UNC5D: variants seen among roughly 807,000 people sequenced by gnomAD.
UNC5D encodes the protein netrin receptor UNC5D.
UNC5D carries 39 observed loss-of-function variants against 105.4 expected under a neutral mutation model. The ratio of observed to expected loss-of-function variants is 0.37; its 90% confidence interval spans 0.29 to 0.48. The LOEUF is 0.48. Ranked by LOEUF, UNC5D falls within the 20% of genes least tolerant of loss-of-function variation. The pLI is 0.98. For synonymous variants in UNC5D, 452 were observed against 450.4 expected (o/e 1.00, Z -0.04); for missense variants, 991 against 1,202.4 (o/e 0.82, Z 2.60).
intron 1 of UNC5D, among the ~76,000 whole-genome samples, chr8:35,491,636 G>A (rs1171443724): frequency 6.6e-6 from 1 of 150,426 alleles, no homozygotes; most frequent in Non-Finnish European, 1.5e-5. Flanking sequence ...GTGTGTGTAG[G>A]GATCCACGAC....
rs1295219028 is a variant in UNC5D at position 35,248,151 on chromosome 8, A to G, written c.103+12264A>G. On this transcript the variant is annotated intron_variant, in intron 1 of 16. Transcript: ENST00000404895. ...AATATATATTATATAAAATATATAT[A>G]ATATATAAATATATATTATATAATA... is the stretch of plus-strand genomic sequence containing the variant. Among the ~76,000 whole-genome samples the G allele has an allele frequency of 2.6e-3, 107 of 40,810 alleles. 1 individual carries two copies. Among genetic ancestry groups the G allele is most frequent in the African/African-American group, 0.015 (107 of 7,100 alleles). 26.8% of individuals were successfully genotyped at this position (40,810 alleles called of 152,430 possible).
intron 1 of UNC5D, among the ~76,000 whole-genome samples, chr8:35,501,631 T>C (rs1234679297): frequency 6.6e-6 from 1 of 152,184 alleles, no homozygotes; most frequent in East Asian, 1.9e-4. Flanking sequence ...GTAGTTTGTA[T>C]CTTTTAAAAA....
At position 35,271,740 on chromosome 8, in the gene UNC5D, T is replaced by C. The variant is rs943213182; in HGVS notation, c.103+35853T>C. Among the ~76,000 whole-genome samples, 20 of 127,580 alleles carry C rather than the reference T, an allele frequency of 1.6e-4. 1 individual carries two copies. Among genetic ancestry groups the C allele is most frequent in the Non-Finnish European group, 2.4e-4 (14 of 59,202 alleles). 83.7% of individuals were successfully genotyped at this position (127,580 alleles called of 152,430 possible). ...ATACATGTATACATGTATACATATA[T>C]ATTTATACATGTATACATGTATACA... On this transcript the variant is annotated intron_variant, in intron 1 of 16. Coordinates refer to ENST00000404895, the MANE Select transcript of UNC5D (RefSeq NM_080872.4).
intron 3 of UNC5D, among the ~76,000 whole-genome samples, chr8:35,584,392 GTTTGT>G (rs527409410): frequency 1.2e-3 from 181 of 151,422 alleles, no homozygotes; most frequent in Middle Eastern, 0.01. Context: ...TTTTTTGTTT[GTTTGT>G]TTTGTTTTGT....
intron 1 of UNC5D, among the ~76,000 whole-genome samples, chr8:35,436,896 T>C (rs1179100481): frequency 2.0e-5 from 3 of 152,104 alleles, no homozygotes; most frequent in African/African-American, 4.8e-5. Flanking sequence ...TATGATTCTA[T>C]ATTTGGTGGG....
At chr8:35,557,326 A>G (rs552186399) in intron 2 of UNC5D, among the ~76,000 whole-genome samples, 1 of 152,286 alleles carries the variant, frequency 6.6e-6, no homozygotes, top group South Asian at 2.1e-4. Context: ...CTTCTGAGGA[A>G]TACGTGGAGT....
intron 4 of UNC5D, among the ~76,000 whole-genome samples, chr8:35,636,587 A>C (rs1822385482): frequency 6.6e-6 from 1 of 152,204 alleles, no homozygotes; most frequent in Admixed American, 6.5e-5. Context: ...ACTTGCCAGT[A>C]TACAGACTGC....
intron 1 of UNC5D, among the ~76,000 whole-genome samples, chr8:35,311,999 A>C (rs1486049355): frequency 6.6e-6 from 1 of 152,150 alleles, no homozygotes; most frequent in Non-Finnish European, 1.5e-5. Flanking sequence ...AAATTCCCTC[A>C]TTCATTTGGA....
At chr8:35,465,373 A>C (rs1017467388) in intron 1 of UNC5D, among the ~76,000 whole-genome samples, 12 of 152,192 alleles carry the variant, frequency 7.9e-5, no homozygotes, top group South Asian at 2.1e-4. Context: ...CCTGGGCAAC[A>C]GAGCAAGACC....
intron 1 of UNC5D, among the ~76,000 whole-genome samples, chr8:35,259,513 ATAT>A (rs1189374943): frequency 2.0e-5 from 3 of 152,148 alleles, no homozygotes; most frequent in Non-Finnish European, 4.4e-5. Flanking sequence ...AGGGTGCTAT[ATAT>A]TATTACTCTA....
chr8:35,611,010 C>CAAAAAAAAAAAAA (rs11314770), intron 4 of UNC5D, among the ~76,000 whole-genome samples: 1 of 60,090 alleles, frequency 1.7e-5, no homozygotes, highest in Non-Finnish European at 3.1e-5. Flanking sequence ...GACAAAGAAG[C>CAAAAAAAAAAAAA]AAAAAAAAAA....
rs1809798929 is a variant in UNC5D at position 35,472,441 on chromosome 8, A to G, written c.104-76851A>G. On this transcript the variant is annotated intron_variant, in intron 1 of 16. Transcript: ENST00000404895. ...GAAGGTACAAAAAAAAAGCCTATTC[A>G]GAAAAACACTGAGAAAAATGTGAGG... Among the ~76,000 whole-genome samples the G allele has an allele frequency of 1.3e-5, 2 of 152,150 alleles. 1 individual carries two copies. Among genetic ancestry groups the G allele is most frequent in the South Asian group, 4.1e-4 (2 of 4,826 alleles).
At chr8:35,656,940 C>T (rs1044344752) in intron 4 of UNC5D, among the ~76,000 whole-genome samples, 3 of 151,212 alleles carry the variant, frequency 2.0e-5, no homozygotes, top group Non-Finnish European at 4.4e-5. Flanking sequence ...TGTTAATTTT[C>T]AGATAAAGAA....
rs1377563192 is a variant in UNC5D at position 35,493,451 on chromosome 8, G to A, written c.104-55841G>A. On this transcript the variant is annotated intron_variant, in intron 1 of 16. Coordinates refer to ENST00000404895, the MANE Select transcript of UNC5D (RefSeq NM_080872.4). ...GTGTTATGAAATGTTGTGTCAAAGT[G>A]GGTCTGGAAGCCAGTTGCTTTAAAA... Among the ~76,000 whole-genome samples, 4 of 152,046 alleles carry A rather than the reference G, an allele frequency of 2.6e-5. No homozygotes were observed. The East Asian group carries it at 7.7e-4, about 29-fold the overall frequency.
chr8:35,651,623 C>G (rs1823409693), intron 4 of UNC5D, among the ~76,000 whole-genome samples: 1 of 152,222 alleles, frequency 6.6e-6, no homozygotes, highest in Admixed American at 6.5e-5. Context: ...TGCAACCTCT[C>G]TCTTCCCCCA....
In UNC5D at chr8:35,585,843, C is replaced by T. The variant is rs943350986; in HGVS notation, c.467-9711C>T. Among the ~76,000 whole-genome samples the T allele has an allele frequency of 4.0e-5, 6 of 151,890 alleles. No individual in the cohort carries two copies. In the South Asian group the frequency reaches 6.3e-4, roughly 16 times the overall value. ...TGTTCCAGATGTATAGGAATCTACA[C>T]GTGGCATTGTCCTTTAATGCCAGTT... On this transcript the variant is annotated intron_variant, in intron 3 of 16. Coordinates refer to ENST00000404895, the MANE Select transcript of UNC5D (RefSeq NM_080872.4).
intron 1 of UNC5D, among the ~76,000 whole-genome samples, chr8:35,286,707 T>A (rs1806626009): frequency 6.6e-6 from 1 of 152,178 alleles, no homozygotes; most frequent in African/African-American, 2.4e-5. Context: ...GGAAAGAGCA[T>A]CTGGCCACCA....
chr8:35,268,095 T>C (rs1421523427), intron 1 of UNC5D, among the ~76,000 whole-genome samples: 1 of 152,214 alleles, frequency 6.6e-6, no homozygotes, highest in Non-Finnish European at 1.5e-5. Context: ...CTTTGTTTCC[T>C]ATAAATTCCC....
At position 35,672,210 on chromosome 8, in the gene UNC5D, C is replaced by T. The variant is rs542469743; in HGVS notation, c.571-11337C>T. Among the ~76,000 whole-genome samples the T allele has an allele frequency of 4.6e-5, 7 of 152,226 alleles. No homozygotes were observed. The South Asian group carries it at 1.4e-3, about 32-fold the overall frequency. On this transcript the variant is annotated intron_variant, in intron 4 of 16. Coordinates refer to ENST00000404895, the MANE Select transcript of UNC5D (RefSeq NM_080872.4). ...CTTTAATGGTTTTGTAAGATGTTTTCTCAGCACTTGAAGATATATTACATG... is the reference window on the plus strand; with the variant it reads ...CTTTAATGGTTTTGTAAGATGTTTTTTCAGCACTTGAAGATATATTACATG...
Sources: gnomAD v4.1 joint callset for allele counts (sites outside exome capture counted in the v4.1 genomes callset) on GRCh38, gnomAD v4.1.1 for gene constraint, MANE v1.5 for transcripts, NCBI Gene and HGNC (gene_info 2026-07-23, HGNC 2026-07-21) for gene names.